Variants in GPC6 observed in about 807,000 individuals in gnomAD.
GPC6 encodes glypican 6.
A neutral mutation model predicts 55.2 loss-of-function variants in GPC6; 14 were observed. The ratio of observed to expected loss-of-function variants is 0.25; its 90% CI spans 0.17 to 0.40. The LOEUF is 0.40. GPC6 is among the 10% of genes least tolerant of loss of function. GPC6 has a pLI of 1.00. For missense variants in GPC6, 641 were observed against 708.5 expected (o/e 0.90, Z 1.08); for synonymous variants, 278 against 259.6 (o/e 1.07, Z -0.68).
chr13:93,378,812 A>G (rs1456411386), intron 1 of GPC6, among the ~76,000 whole-genome samples: 1 of 152,002 alleles, frequency 6.6e-6, no homozygotes, highest in Non-Finnish European at 1.5e-5. Context: ...CCTGGCCAAC[A>G]TGGTGAAACC....
At chr13:93,938,531 A>G (rs1396184720) in intron 3 of GPC6, among the ~76,000 whole-genome samples, 2 of 152,226 alleles carry the variant, frequency 1.3e-5, no homozygotes, top group Non-Finnish European at 2.9e-5. Context: ...TGGTATGAAG[A>G]ATACAAAATT....
chr13:94,129,815 T>G (rs1886946617), intron 4 of GPC6, among the ~76,000 whole-genome samples: 1 of 152,168 alleles, frequency 6.6e-6, no homozygotes, highest in Non-Finnish European at 1.5e-5. Flanking sequence ...ACTGAAAGAT[T>G]CCTTGAAAGG....
chr13:93,633,635 C>CAAAT (rs10656000), intron 2 of GPC6, among the ~76,000 whole-genome samples: 12,264 of 146,958 alleles, frequency 0.083, 582 homozygotes, highest in Middle Eastern at 0.14. Context: ...GACTCTGTCT[C>CAAAT]AAATAAATAA....
chr13:93,676,129 ATATATATATAT>A (rs1881606222), intron 2 of GPC6, among the ~76,000 whole-genome samples: 10 of 7,244 alleles, frequency 1.4e-3, no homozygotes, highest in Admixed American at 6.1e-3. Context: ...AAAAAAAAAT[ATATATATATAT>A]ATATATATAT....
At chr13:93,494,026 A>C (rs9589750) in intron 1 of GPC6, among the ~76,000 whole-genome samples, 3,196 of 128,294 alleles carry the variant, frequency 0.025, 416 homozygotes, top group African/African-American at 0.089. Flanking sequence ...AGTTCTGTAG[A>C]TGTCTATTAG....
intron 3 of GPC6, among the ~76,000 whole-genome samples, chr13:93,834,313 A>G (rs1057371418): frequency 2.0e-5 from 3 of 152,236 alleles, no homozygotes; most frequent in Non-Finnish European, 2.9e-5. Context: ...AATGAGTTAC[A>G]GAAACCTCAT....
At chr13:94,182,119 C>T (rs1168553460) in intron 4 of GPC6, among the ~76,000 whole-genome samples, 1 of 152,080 alleles carries the variant, frequency 6.6e-6, no homozygotes, top group African/African-American at 2.4e-5. Flanking sequence ...TGTGTGGTAA[C>T]AAGGCAGGCC....
intron 4 of GPC6, among the ~76,000 whole-genome samples, chr13:94,279,573 G>A (rs1002203202): frequency 6.6e-6 from 1 of 151,958 alleles, no homozygotes; most frequent in African/African-American, 2.4e-5. Flanking sequence ...TTCTGATGTG[G>A]GCATTTAGTA....
intron 3 of GPC6, among the ~76,000 whole-genome samples, chr13:93,989,173 G>A (rs753782286): frequency 6.6e-6 from 1 of 152,146 alleles, no homozygotes; most frequent in East Asian, 1.9e-4. Context: ...AAATTCATGT[G>A]ATGCCTTCTC....
intron 6 of GPC6, among the ~76,000 whole-genome samples, chr13:94,368,497 T>C (rs1461986333): frequency 1.3e-5 from 2 of 152,004 alleles, no homozygotes; most frequent in Non-Finnish European, 2.9e-5. Flanking sequence ...ATCTGAGACA[T>C]GAAAAATGAC....
At chr13:93,879,004 A>G (rs970906972) in intron 3 of GPC6, among the ~76,000 whole-genome samples, 3 of 152,104 alleles carry the variant, frequency 2.0e-5, no homozygotes, top group Non-Finnish European at 4.4e-5. Context: ...CAGACAAGTG[A>G]TAAGCGTTTC....
At chr13:93,514,839 C>T (rs1250729387) in intron 1 of GPC6, among the ~76,000 whole-genome samples, 1 of 151,944 alleles carries the variant, frequency 6.6e-6, no homozygotes, top group African/African-American at 2.4e-5. Context: ...GTAGAGTCGT[C>T]GTGAGGAAAA....
At position 94,403,050 on chromosome 13, in the gene GPC6, T is replaced by C; in HGVS notation, c.1501T>C (p.Cys501Arg). ...CAGTGGCTCAGGGAGTGGCAGTGGG[T>C]GCATGGATGACGTGTGTCCCACGGA... ...ESSGSGSGSG[C>R]MDDVCPTEFE... Residue 501 changes from cysteine to arginine, a missense_variant, in exon 9 of 9, where the codon TGC becomes CGC. Cys to Arg is a radical substitution (Grantham distance 180, BLOSUM62 -3). Coordinates refer to ENST00000377047, the MANE Select transcript of GPC6 (RefSeq NM_005708.5). The C allele has an allele frequency of 6.2e-7, 1 of 1,613,644 alleles. No individual in the cohort carries two copies. Among genetic ancestry groups the C allele is most frequent in the Non-Finnish European group, 8.5e-7 (1 of 1,179,562 alleles).
At chr13:93,362,074 G>C (rs574258981) in intron 1 of GPC6, among the ~76,000 whole-genome samples, 1 of 152,296 alleles carries the variant, frequency 6.6e-6, no homozygotes, top group Non-Finnish European at 1.5e-5. Flanking sequence ...CTGCTGTCAG[G>C]ATGCTCTGGG....
At chr13:93,652,443 G>A (rs987785902) in intron 2 of GPC6, among the ~76,000 whole-genome samples, 5 of 152,106 alleles carry the variant, frequency 3.3e-5, no homozygotes, top group African/African-American at 7.2e-5. Flanking sequence ...GATAACAAGA[G>A]CATTCCACCA....
At chr13:93,817,589 T>C (rs1310832556) in intron 2 of GPC6, among the ~76,000 whole-genome samples, 4 of 152,200 alleles carry the variant, frequency 2.6e-5, no homozygotes, top group Non-Finnish European at 5.9e-5. Flanking sequence ...CTGGGTGCAG[T>C]GGCTCACGCC....
chr13:93,513,876 C>CTTTT (rs56333946), intron 1 of GPC6, among the ~76,000 whole-genome samples: 1,842 of 110,138 alleles, frequency 0.017, 65 homozygotes, highest in Non-Finnish European at 0.022. Flanking sequence ...TGAATGATGG[C>CTTTT]TTTTTTTTTT....
intron 5 of GPC6, among the ~76,000 whole-genome samples, chr13:94,294,776 T>G (rs4526888): frequency 0.66 from 99,823 of 152,008 alleles, 34,209 homozygotes; most frequent in African/African-American, 0.86. Context: ...TGTTCCAGTA[T>G]CATTTATCTG....
Position 94,172,062 on chromosome 13 carries a change from C to T in GPC6, c.878-114287C>T, listed in dbSNP as rs553448565. On this transcript the variant is annotated intron_variant, in intron 4 of 8. Transcript: ENST00000377047. ...AGACAGTGAGCATTGTTTAAATGCC[C>T]CCCAAATTGCACACACAGAGTCCTA... Among the ~76,000 whole-genome samples, 7 of 152,130 alleles carry T rather than the reference C, an allele frequency of 4.6e-5. No homozygotes were observed. The South Asian group carries it at 1.5e-3, about 32-fold the overall frequency.
Sources: allele counts gnomAD v4.1 joint callset (sites outside exome capture counted in the v4.1 genomes callset), GRCh38; gene constraint gnomAD v4.1.1; transcripts MANE v1.5; gene names NCBI Gene and HGNC (gene_info 2026-07-23, HGNC 2026-07-21).